Variants in TRAK1 observed in about 807,000 individuals in gnomAD.
The protein encoded by TRAK1 is trafficking kinesin protein 1.
TRAK1 carries 33 observed loss-of-function variants against 92.1 expected under a neutral mutation model. The observed-to-expected ratio is 0.36, with a 90% CI of 0.27 to 0.48. TRAK1 has a LOEUF of 0.48. Among genes scored for constraint, TRAK1 ranks in the 20% least tolerant of loss-of-function variants. The probability of loss-of-function intolerance (pLI) is 0.99; values close to 1 mark genes in which losing one functional copy is unlikely to be tolerated. For missense variants in TRAK1, 1,123 were observed against 1,257.9 expected, an observed-to-expected ratio of 0.89 and a Z score of 1.62; for synonymous variants, 521 against 517.3, an observed-to-expected ratio of 1.01 and a Z score of -0.10.
intron 7 of TRAK1, 98 bp downstream of exon 7, chr3:42,191,734 C>CTACG: frequency 7.5e-7 from 1 of 1,333,538 alleles, no homozygotes; most frequent in Non-Finnish European, 1.0e-6. Context: ...TCCTGCCAGC[C>CTACG]TACGGCTCAG....
At chr3:42,061,829 A>G (rs1703456032) in intron 1 of TRAK1, among the ~76,000 whole-genome samples, 1 of 152,214 alleles carries the variant, frequency 6.6e-6, no homozygotes, top group African/African-American at 2.4e-5. Flanking sequence ...TTTGAGCTTT[A>G]TTCAGTAGTA....
intron 1 of TRAK1, among the ~76,000 whole-genome samples, chr3:42,073,466 A>G (rs542586042): frequency 1.3e-4 from 20 of 152,322 alleles, no homozygotes; most frequent in African/African-American, 4.6e-4. Flanking sequence ...AACTTTGATT[A>G]AGTCACTTAA....
Position 42,202,762 on chromosome 3 carries a change from C to T in TRAK1, c.1744+10C>T, listed in dbSNP as rs201520832. The T allele has an allele frequency of 1.6e-5, 26 of 1,613,226 alleles. No homozygotes were observed. Among genetic ancestry groups the T allele is most frequent in the African/African-American group, 4.0e-5 (3 of 75,046 alleles). On this transcript the variant is annotated intron_variant, in intron 13 of 15. Coordinates refer to ENST00000327628, the MANE Select transcript of TRAK1 (RefSeq NM_001042646.3). The surrounding 1 kb of genome is among the most constrained non-coding windows in gnomAD (Gnocchi z 6.1). Reference sequence around the variant, plus strand: ...GTGAAGCCGCTGGAAGGTGATCACGCGGGGCCTCGGCCCCTCTCTGTCCTC... The same window carrying T: ...GTGAAGCCGCTGGAAGGTGATCACGTGGGGCCTCGGCCCCTCTCTGTCCTC...
intron 1 of TRAK1, among the ~76,000 whole-genome samples, chr3:42,076,425 C>T (rs1464733273): frequency 6.9e-6 from 1 of 145,598 alleles, no homozygotes; most frequent in South Asian, 2.2e-4. Context: ...GGGGTTTCAC[C>T]ATGTTGGCCA....
Position 42,193,092 on chromosome 3 carries a change from A to G in TRAK1, c.787A>G (p.Ile263Val). 1 of 1,614,128 alleles carries G rather than the reference A, an allele frequency of 6.2e-7. No individual in the cohort carries two copies. The highest frequency in any genetic ancestry group is 8.5e-7 in the Non-Finnish European group (1 of 1,179,990). Reference sequence around the variant, plus strand: ...TGTCAAAGGGGATGCCAATGTCCAGATTGCTAGTATCTCAGAGGAACTGGC... The same window carrying G: ...TGTCAAAGGGGATGCCAATGTCCAGGTTGCTAGTATCTCAGAGGAACTGGC... ...VKELRDANVQ[I>V]ASISEELAKK... The change falls in exon 8 of 16, where the codon ATT becomes GTT. Residue 263 changes from isoleucine to valine, a missense_variant. Coordinates refer to ENST00000327628, the MANE Select transcript of TRAK1 (RefSeq NM_001042646.3).
chr3:42,212,832 T>C (rs1052510901), intron 14 of TRAK1, among the ~76,000 whole-genome samples: 4 of 152,182 alleles, frequency 2.6e-5, no homozygotes, highest in African/African-American at 7.2e-5. Context: ...GGCAGTTCAG[T>C]TGAATTATCT....
chr3:42,159,080 A>G (rs1167684406), intron 2 of TRAK1, among the ~76,000 whole-genome samples: 1 of 152,048 alleles, frequency 6.6e-6, no homozygotes, highest in Non-Finnish European at 1.5e-5. Context: ...GCACTTGTAC[A>G]TGATGTCATA....
chr3:42,203,306 G>A, intron 13 of TRAK1: 1 of 991,338 alleles, frequency 1.0e-6, no homozygotes, highest in Non-Finnish European at 1.2e-6. Flanking sequence ...AGTATGTTCT[G>A]AGCGCGGCTC....
At chr3:42,139,499 G>A (rs1237384798) in intron 2 of TRAK1, among the ~76,000 whole-genome samples, 1 of 152,104 alleles carries the variant, frequency 6.6e-6, no homozygotes, top group Non-Finnish European at 1.5e-5. Flanking sequence ...ATCAAAGGCA[G>A]CCTCATACCA....
chr3:42,056,440 G>A (rs60715079), intron 1 of TRAK1, among the ~76,000 whole-genome samples: 34,175 of 152,074 alleles, frequency 0.22, 4,248 homozygotes, highest in Middle Eastern at 0.33. Flanking sequence ...GGTTAATGAT[G>A]TTGAGCATTT....
At chr3:42,170,170 A>G (rs1226528456) in intron 2 of TRAK1, among the ~76,000 whole-genome samples, 2 of 152,182 alleles carry the variant, frequency 1.3e-5, no homozygotes, top group Admixed American at 1.3e-4. Context: ...AGGAGGTAGA[A>G]GAGCTGGGGA....
chr3:42,086,311 C>CTTTCTTTTT (rs1553711095), upstream of TRAK1, among the ~76,000 whole-genome samples: 44 of 140,486 alleles, frequency 3.1e-4, no homozygotes, highest in South Asian at 1.3e-3. Context: ...CTTTTTCTTT[C>CTTTCTTTTT]TTTTTTTTTT....
intron 1 of TRAK1, among the ~76,000 whole-genome samples, chr3:42,061,957 T>G (rs1219080646): frequency 6.6e-6 from 1 of 152,198 alleles, no homozygotes; most frequent in Non-Finnish European, 1.5e-5. Context: ...AGGCTATTGC[T>G]GACGCCATCC....
chr3:42,217,337 T>G, intron 14 of TRAK1: 1 of 985,416 alleles, frequency 1.0e-6, no homozygotes, highest in Non-Finnish European at 1.2e-6. Flanking sequence ...GGGCCAAATC[T>G]CTGGCTTTAG....
intron 2 of TRAK1, among the ~76,000 whole-genome samples, chr3:42,136,149 T>C (rs1173489470): frequency 6.6e-6 from 1 of 152,128 alleles, no homozygotes; most frequent in Non-Finnish European, 1.5e-5. Context: ...TTGGTGGGTT[T>C]AAGGAAGATT....
intron 1 of TRAK1, among the ~76,000 whole-genome samples, chr3:42,120,835 C>T (rs746270796): frequency 5.3e-5 from 8 of 151,826 alleles, no homozygotes; most frequent in African/African-American, 1.2e-4. Flanking sequence ...CGTGAGCCAC[C>T]GCGCCCGGCT....
intron 1 of TRAK1, among the ~76,000 whole-genome samples, chr3:42,057,203 A>G (rs1416754449): frequency 2.0e-5 from 3 of 152,204 alleles, no homozygotes; most frequent in Non-Finnish European, 4.4e-5. Flanking sequence ...GCTACTTTGG[A>G]TACCAAGGAA....
chr3:42,034,673 C>A (rs971802126), intron 1 of TRAK1, among the ~76,000 whole-genome samples: 11 of 152,176 alleles, frequency 7.2e-5, no homozygotes, highest in Non-Finnish European at 5.9e-5. Flanking sequence ...AAACGCTGTA[C>A]CTCATGCTTG....
At chr3:42,189,307 C>T (rs1576894288) in intron 6 of TRAK1, among the ~76,000 whole-genome samples, 183 bp downstream of exon 6, 1 of 152,184 alleles carries the variant, frequency 6.6e-6, no homozygotes, top group South Asian at 2.1e-4. Context: ...CCAACACATG[C>T]CTCCCTGGCT....
Sources: gnomAD v4.1 joint callset for allele counts (sites outside exome capture counted in the v4.1 genomes callset) on GRCh38, gnomAD v4.1.1 for gene constraint, Gnocchi (gnomAD v3.1) non-coding constraint, MANE v1.5 for transcripts, NCBI Gene and HGNC (gene_info 2026-07-23, HGNC 2026-07-21) for gene names.